Variants in IER3IP1 observed in about 807,000 individuals in gnomAD.
IER3IP1 encodes the protein immediate early response 3-interacting protein 1.
A neutral mutation model predicts 12.2 loss-of-function variants in IER3IP1; 16 were observed. The observed-to-expected ratio is 1.31, with a 90% confidence interval of 0.89 to 1.99. The LOEUF (loss-of-function observed/expected upper bound fraction) is 1.99, where lower values mean the gene tolerates loss of function less well. Among genes scored for constraint, IER3IP1 ranks in the 30% most tolerant of loss-of-function variants. The probability of loss-of-function intolerance (pLI) is 0.00; values close to 1 mark genes in which losing one functional copy is unlikely to be tolerated. For missense variants in IER3IP1, 95 were observed against 95.8 expected, an observed-to-expected ratio of 0.99 and a Z score of 0.03; for synonymous variants, 42 against 40.0, an observed-to-expected ratio of 1.05 and a Z score of -0.19.
At position 47,154,553 on chromosome 18, in the gene IER3IP1, A is replaced by G. The variant is rs1184229597; in HGVS notation, c.*1624T>C. ...TAAAAAATTTTGTACTGCTCATACC[A>G]TATGGGGAAATGGGCCTGCCCTCAA... is the stretch of plus-strand genomic sequence containing the variant. On this transcript the variant is annotated 3_prime_UTR_variant, in exon 3 of 3. Coordinates refer to ENST00000256433, the MANE Select transcript of IER3IP1 (RefSeq NM_016097.5). 2.0e-5 allele frequency: 3 copies of G among 152,230 alleles called. No individual in the cohort carries two copies. Among genetic ancestry groups the G allele is most frequent in the Non-Finnish European group, 2.9e-5 (2 of 68,036 alleles). 9.4% of individuals were successfully genotyped at this position (152,230 alleles called of 1,614,324 possible). A position where few individuals can be genotyped will look rare whatever the true frequency, so the allele number is the denominator to read the frequency against.
At chr18:47,162,582 A>G (rs949123067) in intron 1 of IER3IP1, among the ~76,000 whole-genome samples, 1 of 151,992 alleles carries the variant, frequency 6.6e-6, no homozygotes, top group East Asian at 1.9e-4. Context: ...GTTCAAAAAC[A>G]GGGGTTGAAA....
chr18:47,156,297 T>A, intron 2 of IER3IP1, 65 bp from the exon 3 acceptor site: 1 of 863,872 alleles, frequency 1.2e-6, no homozygotes, highest in Non-Finnish European at 1.9e-6. Context: ...CAGAAAATAA[T>A]AATTAGCCTC....
At chr18:47,159,110 C>T (rs1262372078) in intron 1 of IER3IP1, among the ~76,000 whole-genome samples, 1 of 152,166 alleles carries the variant, frequency 6.6e-6, no homozygotes, top group Non-Finnish European at 1.5e-5. Flanking sequence ...GACAGTCACA[C>T]AGGTATAACA....
intron 1 of IER3IP1, 126 bp from the exon 2 acceptor site, chr18:47,157,663 AAAGTT>A (rs1181496282): frequency 1.3e-5 from 11 of 828,640 alleles, no homozygotes; most frequent in Non-Finnish European, 2.0e-5. Context: ...ACTTTTAAGA[AAAGTT>A]AAAACAATAA....
intron 1 of IER3IP1, among the ~76,000 whole-genome samples, chr18:47,161,930 C>T (rs1202393764): frequency 6.6e-6 from 1 of 151,612 alleles, no homozygotes; most frequent in Non-Finnish European, 1.5e-5. Flanking sequence ...ACAAGGAGTA[C>T]ACAACCTAGA....
chr18:47,159,776 T>A lies in IER3IP1; in HGVS notation c.92-2239A>T, dbSNP rs79527665. ...CTACGTCACAATGAATAGCTGCTTTTTTTTTTCTTTTAGGACATGGCTCTC... is the reference window on the plus strand; with the variant it reads ...CTACGTCACAATGAATAGCTGCTTTATTTTTTCTTTTAGGACATGGCTCTC... On this transcript the variant is annotated intron_variant, in intron 1 of 2. Coordinates refer to ENST00000256433, the MANE Select transcript of IER3IP1 (RefSeq NM_016097.5). Among the ~76,000 whole-genome samples the A allele has an allele frequency of 2.4e-3, 360 of 152,320 alleles. 1 individual carries two copies. Among genetic ancestry groups the A allele is most frequent in the Non-Finnish European group, 4.0e-3 (272 of 68,020 alleles).
Position 47,176,260 on chromosome 18 carries a change from G to A in IER3IP1, c.18C>T (p.Tyr6=), listed in dbSNP as rs369848404. Residue 6 remains tyrosine, a synonymous_variant, in exon 1 of 3, where the codon TAC becomes TAT. Coordinates refer to ENST00000256433, the MANE Select transcript of IER3IP1 (RefSeq NM_016097.5). MAFTL[Y]SLLQAALLCV... is the part of the protein sequence containing the mutation. ...AGAGCAGGGCTGCCTGCAGCAGTGA[G>A]TACAGGGTAAAGGCCATGGCCGTCC... 1.2e-6 allele frequency: 2 copies of A among 1,609,380 alleles called. No individual in the cohort carries two copies. Among genetic ancestry groups the A allele is most frequent in the Non-Finnish European group, 1.7e-6 (2 of 1,178,072 alleles).
chr18:47,167,306 C>T (rs1311515492), intron 1 of IER3IP1, among the ~76,000 whole-genome samples: 2 of 152,170 alleles, frequency 1.3e-5, no homozygotes. Flanking sequence ...CCGCCTCAGC[C>T]TCCCAAAAGG....
rs1434519589 is a variant in IER3IP1, at chr18:47,156,195, T to C, written c.231A>G (p.Leu77=). The C allele has an allele frequency of 1.9e-6, 3 of 1,563,486 alleles. No homozygotes were observed. In the African/African-American group the frequency reaches 4.1e-5, roughly 21 times the overall value. Residue 77 remains leucine, a synonymous_variant, in exon 3 of 3, where the codon TTA becomes TTG. Coordinates refer to ENST00000256433, the MANE Select transcript of IER3IP1 (RefSeq NM_016097.5). ...LIIVNSIAIV[L]LLLFG ...CTGATATTCATCCAAATAATAAAAG[T>C]AACACAATTGCAATTGAGTTTACTA...
rs1166398092 is a variant in IER3IP1, at chr18:47,153,536, CTCTT to C, written c.*2637_*2640del. On this transcript the variant is annotated 3_prime_UTR_variant, in exon 3 of 3. Transcript: ENST00000256433. ...CTAGTACCCAGTAATTTTTCTGGCA[CTCTT>C]TCTCACCCTCCACCCTCAAATAGCC... The C allele has an allele frequency of 6.6e-6, 1 of 152,102 alleles. No homozygotes were observed. Among genetic ancestry groups the C allele is most frequent in the Non-Finnish European group, 1.5e-5 (1 of 68,038 alleles). The allele number at this position is 152,102 out of a possible 1,614,324, so 9.4% of individuals were successfully genotyped here.
chr18:47,165,864 T>G (rs2063994474), intron 1 of IER3IP1, among the ~76,000 whole-genome samples: 1 of 152,234 alleles, frequency 6.6e-6, no homozygotes, highest in African/African-American at 2.4e-5. Flanking sequence ...ATCCTGGACT[T>G]CCAGGCTCCA....
At chr18:47,163,892 T>A (rs920781521) in intron 1 of IER3IP1, among the ~76,000 whole-genome samples, 2 of 152,210 alleles carry the variant, frequency 1.3e-5, no homozygotes, top group African/African-American at 2.4e-5. Flanking sequence ...CACCTTTACA[T>A]GGTATTGATA....
At chr18:47,174,072 T>C (rs1296982765) in intron 1 of IER3IP1, among the ~76,000 whole-genome samples, 2 of 152,182 alleles carry the variant, frequency 1.3e-5, no homozygotes, top group African/African-American at 4.8e-5. Flanking sequence ...GTATCAAGGG[T>C]TGGGACTTCA....
In IER3IP1 at chr18:47,155,562, TAAAC is replaced by T. The variant is rs2063955618; in HGVS notation, c.*611_*614del. The T allele has an allele frequency of 1.3e-5, 2 of 152,180 alleles. No homozygotes were observed. Among genetic ancestry groups the T allele is most frequent in the Non-Finnish European group, 2.9e-5 (2 of 68,046 alleles). The allele number at this position is 152,180 out of a possible 1,614,324, so 9.4% of individuals were successfully genotyped here. A position where few individuals can be genotyped will look rare whatever the true frequency, so the allele number is the denominator to read the frequency against. On this transcript the variant is annotated 3_prime_UTR_variant, in exon 3 of 3. Transcript: ENST00000256433. ...AATAACAAGTGCATGGAAAGAATGT[TAAAC>T]AAAAACATAATCATCATGTGACTGA...
intron 1 of IER3IP1, among the ~76,000 whole-genome samples, chr18:47,170,484 A>T (rs529384601): frequency 6.6e-6 from 1 of 152,236 alleles, no homozygotes; most frequent in Non-Finnish European, 1.5e-5. Context: ...AATCAATATT[A>T]AGTACTATCA....
chr18:47,165,279 G>T (rs1379414465), intron 1 of IER3IP1, among the ~76,000 whole-genome samples: 1 of 152,228 alleles, frequency 6.6e-6, no homozygotes, highest in Non-Finnish European at 1.5e-5. Context: ...GTGGCCAGGT[G>T]TGATGGCTCA....
At chr18:47,168,388 C>A (rs1157657691) in intron 1 of IER3IP1, among the ~76,000 whole-genome samples, 2 of 150,492 alleles carry the variant, frequency 1.3e-5, no homozygotes, top group African/African-American at 4.9e-5. Flanking sequence ...ACATAACTAA[C>A]AAGATGAAAT....
In IER3IP1 at chr18:47,172,546, A is replaced by AT. The variant is rs527365524; in HGVS notation, c.91+3640dup. Among the ~76,000 whole-genome samples, 848 of 152,248 alleles carry AT rather than the reference A, an allele frequency of 5.6e-3. 5 individuals carry two copies. Among genetic ancestry groups the AT allele is most frequent in the African/African-American group, 0.019 (777 of 41,542 alleles). On this transcript the variant is annotated intron_variant, in intron 1 of 2. Transcript: ENST00000256433. The surrounding 1 kb of genome is among the most constrained non-coding windows in gnomAD (Gnocchi z 4.0). ...TAGTACCCAACCGTATATGTAGTGT[A>AT]TTTTTTTCAATCTGATAACCAAGTG...
At chr18:47,164,834 C>T (rs895977272) in intron 1 of IER3IP1, among the ~76,000 whole-genome samples, 1 of 151,622 alleles carries the variant, frequency 6.6e-6, no homozygotes, top group Non-Finnish European at 1.5e-5. Context: ...TTTCTTGTCA[C>T]TTCCACAGCT....
Sources: allele counts gnomAD v4.1 joint callset (sites outside exome capture counted in the v4.1 genomes callset), GRCh38; gene constraint gnomAD v4.1.1; non-coding constraint Gnocchi (gnomAD v3.1); transcripts MANE v1.5; gene names NCBI Gene and HGNC (gene_info 2026-07-23, HGNC 2026-07-21).